The following SYTL2 variants were observed in gnomAD, a reference collection of about 807,000 sequenced individuals.
SYTL2 encodes the protein synaptotagmin like 2, also known as synaptotagmin-like protein 2.
A neutral mutation model predicts 198.7 loss-of-function variants in SYTL2; 165 were observed. That is an observed-to-expected ratio of 0.83 (90% CI 0.73 to 0.94). SYTL2 has a LOEUF of 0.94. Ranked by LOEUF, SYTL2 falls within the 40% of genes least tolerant of loss-of-function variation. SYTL2 has a pLI of 0.00. For missense variants in SYTL2, 2,835 were observed against 2,582.8 expected, an observed-to-expected ratio of 1.10 and a Z score of -2.12; for synonymous variants, 966 against 917.7, an observed-to-expected ratio of 1.05 and a Z score of -0.95.
Position 85,704,862 on chromosome 11 carries a change from C to T in SYTL2, c.6185G>A (p.Arg2062Gln), listed in dbSNP as rs140491589. The T allele has an allele frequency of 1.8e-5, 29 of 1,611,426 alleles. No homozygotes were observed. The highest frequency in any genetic ancestry group is 6.7e-5 in the East Asian group (3 of 44,838). The change falls in exon 16 of 20, where the codon CGG becomes CAG. Residue 2062 changes from arginine (R) to glutamine (Q), a missense_variant. This residue lies in a region of SYTL2 where 2,645 missense variants were observed against 2,381.7 expected (regional missense o/e 1.11). Coordinates refer to ENST00000359152, the MANE Select transcript of SYTL2 (RefSeq NM_206927.4). ...AACAAAAAATTCCGGACTCACCTTCCGCTTCAGAGGGTACCATCTCAATTG... is the reference window on the plus strand; with the variant it reads ...AACAAAAAATTCCGGACTCACCTTCTGCTTCAGAGGGTACCATCTCAATTG... Reference protein sequence around the residue: ...NKQLRWYPLKRKTAPVALEAE... With the variant: ...NKQLRWYPLKQKTAPVALEAE...
the SYTL2 span, among the ~76,000 whole-genome samples, chr11:85,850,695 T>C: frequency 0.014 from 2,047 of 151,272 alleles, 20 homozygotes; most frequent in African/African-American, 0.028. Context: ...CAAATGACTA[T>C]AAATCATGCT....
intron 1 of SYTL2, among the ~76,000 whole-genome samples, chr11:85,771,900 T>TTA (rs199727588): frequency 2.0e-4 from 30 of 148,162 alleles, no homozygotes; most frequent in South Asian, 4.2e-4. Flanking sequence ...ATAATTATAG[T>TTA]TATATATATA....
At chr11:85,838,045 G>A in the SYTL2 span, among the ~76,000 whole-genome samples, 12 of 152,118 alleles carry the variant, frequency 7.9e-5, no homozygotes, top group Non-Finnish European at 1.6e-4. Flanking sequence ...CCCCAGTCAT[G>A]ACAATTTAAA....
Position 85,695,010 on chromosome 11 carries a change from G to A in SYTL2, c.*185C>T, listed in dbSNP as rs1438289889. 2.3e-6 allele frequency: 1 copy of A among 442,408 alleles called. No individual in the cohort carries two copies. The highest frequency in any genetic ancestry group is 3.9e-6 in the Non-Finnish European group (1 of 257,148). 27.4% of individuals were successfully genotyped at this position (442,408 alleles called of 1,614,324 possible). On this transcript the variant is annotated 3_prime_UTR_variant, in exon 20 of 20. Coordinates refer to ENST00000359152, the MANE Select transcript of SYTL2 (RefSeq NM_206927.4). The stretch of plus-strand genomic sequence containing the variant: ...ATTAGAGTCACAAATTACACATTTT[G>A]TTATATTTAAATCCCTTGGGCCTTG...
Position 85,726,042 on chromosome 11 carries a change from C to T in SYTL2, c.3316G>A (p.Glu1106Lys). The change falls in exon 8 of 20, where the codon GAA (glutamate) becomes AAA (lysine). Residue 1106 changes from glutamate (E) to lysine (K), a missense_variant. Transcript: ENST00000359152. ...ATCTCTTGTTCTGAGTAATCCTTTT[C>T]TTCCTTAAACACTGGAGTAACAATC... ...EGIVTPVFKEEKDYSEQEIQE... is the reference protein window; with the variant it reads ...EGIVTPVFKEKKDYSEQEIQE... 1.2e-6 allele frequency: 2 copies of T among 1,612,284 alleles called. No individual in the cohort carries two copies. Among genetic ancestry groups the T allele is most frequent in the Non-Finnish European group, 1.7e-6 (2 of 1,179,368 alleles).
chr11:85,807,542 A>C (rs1445497), intron 1 of SYTL2, among the ~76,000 whole-genome samples: 62,907 of 152,126 alleles, frequency 0.41, 14,018 homozygotes, highest in African/African-American at 0.57. Flanking sequence ...ACCAGCTCAG[A>C]GAAGCCATCT....
chr11:85,761,371 A>C (rs2092092126), intron 1 of SYTL2, among the ~76,000 whole-genome samples: 1 of 152,164 alleles, frequency 6.6e-6, no homozygotes, highest in African/African-American at 2.4e-5. Flanking sequence ...AGCCATGCAG[A>C]TATCCCAGGG....
the SYTL2 span, among the ~76,000 whole-genome samples, chr11:85,841,454 C>T: frequency 3.3e-5 from 5 of 152,086 alleles, no homozygotes; most frequent in Admixed American, 1.3e-4. Flanking sequence ...ATAAAGAAAA[C>T]GTGGCACACA....
At position 85,735,657 on chromosome 11, in the gene SYTL2, T is replaced by TGA. The variant is rs553342766; in HGVS notation, c.586+842_586+843dup. 2.0e-3 allele frequency among the ~76,000 whole-genome samples: 298 copies of TGA among 151,890 alleles called. 2 individuals carry two copies. The highest frequency in any genetic ancestry group is 6.9e-3 in the African/African-American group (285 of 41,396). On this transcript the variant is annotated intron_variant, in intron 6 of 19. Transcript: ENST00000359152. ...CTGTAGTCCCAGCTACTCAGAAGGCTGAGGCACTAGAAGCCCCGGAACCCG... is the reference window on the plus strand; with the variant it reads ...CTGTAGTCCCAGCTACTCAGAAGGCTGAGAGGCACTAGAAGCCCCGGAACCCG...
At chr11:85,718,247 C>T (rs1410112867) in intron 10 of SYTL2, 1 of 163,852 alleles carries the variant, frequency 6.1e-6, no homozygotes, top group African/African-American at 2.4e-5. Context: ...GATCCACTGA[C>T]AAGCTTCAAG....
chr11:85,773,582 G>T (rs976354134), intron 1 of SYTL2, among the ~76,000 whole-genome samples: 1 of 151,828 alleles, frequency 6.6e-6, no homozygotes. Flanking sequence ...TCCTTTATCA[G>T]CCTGAGCTCT....
chr11:85,814,304 G>A (rs932255731), upstream of SYTL2, among the ~76,000 whole-genome samples: 5 of 152,178 alleles, frequency 3.3e-5, no homozygotes, highest in African/African-American at 1.2e-4. Context: ...ACATTTGAAT[G>A]TAAGCTTTTA....
intron 1 of SYTL2, among the ~76,000 whole-genome samples, chr11:85,802,216 TTTTC>T (rs1162044336): frequency 8.2e-6 from 1 of 121,910 alleles, no homozygotes; most frequent in Non-Finnish European, 1.8e-5. Flanking sequence ...CTTCTTTTTC[TTTTC>T]TTTTTTTTTT....
At position 85,733,828 on chromosome 11, in the gene SYTL2, T is replaced by C; in HGVS notation, c.1390+111A>G. 3 of 789,496 alleles carry C rather than the reference T, an allele frequency of 3.8e-6. No individual in the cohort carries two copies. In the South Asian group the frequency reaches 5.0e-5, roughly 13 times the overall value. 48.9% of individuals were successfully genotyped at this position (789,496 alleles called of 1,614,324 possible). On this transcript the variant is annotated intron_variant, in intron 7 of 19. Transcript: ENST00000359152. ...GTTAGCCAGGATGGTCTCGATCTCC[T>C]GACCTCATGATCCACCCGCCTCGGC... is the stretch of plus-strand genomic sequence containing the variant.
At chr11:85,776,594 G>A (rs2092455904) in intron 1 of SYTL2, among the ~76,000 whole-genome samples, 1 of 151,986 alleles carries the variant, frequency 6.6e-6, no homozygotes, top group Admixed American at 6.5e-5. Context: ...CCTTTTTTGT[G>A]GCTGCATAGT....
chr11:85,834,718 A>G, the SYTL2 span, among the ~76,000 whole-genome samples: 2 of 151,958 alleles, frequency 1.3e-5, no homozygotes, highest in Non-Finnish European at 2.9e-5. Context: ...GGATAGATTA[A>G]GCTATGATGT....
chr11:85,770,067 G>C (rs2092325159), intron 1 of SYTL2, among the ~76,000 whole-genome samples: 1 of 152,170 alleles, frequency 6.6e-6, no homozygotes, highest in African/African-American at 2.4e-5. Context: ...AGATTCATTA[G>C]CTCAGAACTC....
chr11:85,750,467 G>A (rs1329762210), intron 2 of SYTL2, among the ~76,000 whole-genome samples: 1 of 152,114 alleles, frequency 6.6e-6, no homozygotes, highest in Non-Finnish European at 1.5e-5. Flanking sequence ...AGTTATTACA[G>A]TTTCTCCTTT....
intron 1 of SYTL2, among the ~76,000 whole-genome samples, chr11:85,781,235 G>C (rs141597853): frequency 2.0e-4 from 30 of 152,260 alleles, no homozygotes; most frequent in African/African-American, 6.5e-4. Flanking sequence ...GCAGCAAGGA[G>C]AAGTGCTAAG....
Sources: gnomAD v4.1 joint callset for allele counts (sites outside exome capture counted in the v4.1 genomes callset) on GRCh38, gnomAD v4.1.1 for gene constraint, gnomAD v4.1.1 regional missense constraint, MANE v1.5 for transcripts, NCBI Gene and HGNC (gene_info 2026-07-23, HGNC 2026-07-21) for gene names.